The following IMMP2L variants were observed in gnomAD, a reference collection of about 807,000 sequenced individuals.
IMMP2L encodes mitochondrial inner membrane protease subunit 2.
Under a neutral mutation model 19.3 loss-of-function variants are expected in IMMP2L, and 18 were observed. The observed-to-expected ratio is 0.93, with a 90% CI of 0.64 to 1.38. The LOEUF (loss-of-function observed/expected upper bound fraction) is 1.38. Among genes scored for constraint, IMMP2L ranks in the 40% most tolerant of loss-of-function variants. IMMP2L has a pLI of 0.00. For synonymous variants in IMMP2L, 76 were observed against 73.0 expected (o/e 1.04, Z -0.21); for missense variants, 233 against 218.2 (o/e 1.07, Z -0.43).
At position 111,279,727 on chromosome 7, in the gene IMMP2L, G is replaced by A. The variant is rs138747287; in HGVS notation, c.239+207511C>T. On this transcript the variant is annotated intron_variant, in intron 3 of 5. Coordinates refer to ENST00000405709, the MANE Select transcript of IMMP2L (RefSeq NM_032549.4). ...TACTATATTATAACCTCTTTTGCTTGAAGAACAAAGTGGACCTTGGGGTGT... is the reference window on the plus strand; with the variant it reads ...TACTATATTATAACCTCTTTTGCTTAAAGAACAAAGTGGACCTTGGGGTGT... 1.1e-3 allele frequency among the ~76,000 whole-genome samples: 170 copies of A among 152,206 alleles called. 1 individual carries two copies. The highest frequency in any genetic ancestry group is 3.9e-3 in the African/African-American group (160 of 41,550).
chr7:111,024,934 T>A (rs2129567629), intron 3 of IMMP2L, among the ~76,000 whole-genome samples: 1 of 152,310 alleles, frequency 6.6e-6, no homozygotes, highest in East Asian at 1.9e-4. Flanking sequence ...AGAGGCTTAA[T>A]TAAGGGAGTA....
intron 3 of IMMP2L, among the ~76,000 whole-genome samples, chr7:111,405,186 T>C (rs926494985): frequency 1.3e-5 from 2 of 152,116 alleles, no homozygotes; most frequent in Admixed American, 1.3e-4. Context: ...TGTGCAATGG[T>C]GTACTTTTAT....
chr7:110,672,580 G>A (rs895385626), intron 5 of IMMP2L, among the ~76,000 whole-genome samples: 1 of 152,110 alleles, frequency 6.6e-6, no homozygotes, highest in Non-Finnish European at 1.5e-5. Flanking sequence ...CCGCCTATGA[G>A]CCTGTAAAAT....
At chr7:111,180,593 G>A (rs1418093902) in intron 3 of IMMP2L, among the ~76,000 whole-genome samples, 2 of 152,034 alleles carry the variant, frequency 1.3e-5, no homozygotes, top group Non-Finnish European at 2.9e-5. Flanking sequence ...AAAACATGAA[G>A]TGGGCACATG....
At chr7:111,266,763 A>AT (rs2130055591) in intron 3 of IMMP2L, among the ~76,000 whole-genome samples, 1 of 152,254 alleles carries the variant, frequency 6.6e-6, no homozygotes, top group Non-Finnish European at 1.5e-5. Context: ...AAATTGCCAC[A>AT]TTTTTGTCAT....
chr7:110,979,898 A>G (rs1485279038), intron 3 of IMMP2L, among the ~76,000 whole-genome samples: 2 of 152,106 alleles, frequency 1.3e-5, no homozygotes, highest in African/African-American at 4.8e-5. Context: ...GTTTAATTTT[A>G]CACTTTAAAA....
At chr7:110,863,413 T>G (rs1807652863) in intron 5 of IMMP2L, among the ~76,000 whole-genome samples, 1 of 152,120 alleles carries the variant, frequency 6.6e-6, no homozygotes, top group Admixed American at 6.5e-5. Context: ...ACATTTTTGC[T>G]TGGTCATGGC....
intron 4 of IMMP2L, among the ~76,000 whole-genome samples, chr7:110,908,617 A>G (rs1036345466): frequency 8.5e-5 from 13 of 152,246 alleles, no homozygotes; most frequent in Admixed American, 5.2e-4. Flanking sequence ...TACAAAAGAC[A>G]AAAGACAAAC....
At chr7:111,174,355 A>C (rs1402119225) in intron 3 of IMMP2L, among the ~76,000 whole-genome samples, 1 of 151,682 alleles carries the variant, frequency 6.6e-6, no homozygotes, top group Non-Finnish European at 1.5e-5. Flanking sequence ...GCGAGTGTCA[A>C]AACCTAGTCT....
At chr7:110,701,663 G>A (rs1584545494) in intron 5 of IMMP2L, among the ~76,000 whole-genome samples, 1 of 152,244 alleles carries the variant, frequency 6.6e-6, no homozygotes, top group East Asian at 1.9e-4. Flanking sequence ...GACCTCAGGT[G>A]ATCCGCCTGC....
chr7:111,025,725 T>G lies in IMMP2L; in HGVS notation c.240-62160A>C, dbSNP rs139556263. 1.0e-3 allele frequency among the ~76,000 whole-genome samples: 152 copies of G among 152,328 alleles called. 2 individuals are homozygous for G. In the East Asian group the frequency reaches 0.014, roughly 14 times the overall value. On this transcript the variant is annotated intron_variant, in intron 3 of 5. Transcript: ENST00000405709. ...CATCCAGCCCAGTGCTTAAGCCTAG[T>G]TGGGCATGATATTTATTGAAGAAAT...
At position 110,902,291 on chromosome 7, in the gene IMMP2L, A is replaced by G. The variant is rs145235326; in HGVS notation, c.306-15596T>C. ...ACAGCCTACTATTAATTATAGAAAA[A>G]ATAATAAGTGACAGTAAATTAGGTT... On this transcript the variant is annotated intron_variant, in intron 4 of 5. Transcript: ENST00000405709. 1.4e-3 allele frequency among the ~76,000 whole-genome samples: 206 copies of G among 151,896 alleles called. 1 individual carries two copies. Among genetic ancestry groups the G allele is most frequent in the African/African-American group, 4.9e-3 (202 of 41,476 alleles).
intron 3 of IMMP2L, among the ~76,000 whole-genome samples, chr7:111,040,692 TGATTTAAATA>T (rs1791810198): frequency 6.8e-6 from 1 of 147,818 alleles, no homozygotes; most frequent in African/African-American, 2.5e-5. Context: ...AGTAAGAATT[TGATTTAAATA>T]TATAAATCTA....
intron 5 of IMMP2L, among the ~76,000 whole-genome samples, chr7:110,668,963 G>A (rs1168334265): frequency 2.0e-5 from 3 of 148,086 alleles, no homozygotes; most frequent in African/African-American, 7.4e-5. Context: ...TATCCTTCAG[G>A]TACAGTTTTG....
intron 5 of IMMP2L, among the ~76,000 whole-genome samples, chr7:110,668,895 T>G (rs938454358): frequency 6.6e-6 from 1 of 151,918 alleles, no homozygotes; most frequent in African/African-American, 2.4e-5. Flanking sequence ...GCAAAGAGTA[T>G]AGTGAATATA....
chr7:111,214,808 T>G (rs920169977), intron 3 of IMMP2L, among the ~76,000 whole-genome samples: 7 of 148,044 alleles, frequency 4.7e-5, no homozygotes, highest in Admixed American at 1.3e-4. Flanking sequence ...GAGAGAGAGA[T>G]AGAGATTAAA....
intron 3 of IMMP2L, among the ~76,000 whole-genome samples, chr7:111,043,298 A>G (rs1792074753): frequency 6.6e-6 from 1 of 152,216 alleles, no homozygotes; most frequent in Non-Finnish European, 1.5e-5. Flanking sequence ...TAAAAGTGTT[A>G]ATACAGTATA....
chr7:111,018,776 T>TTG (rs972964050), intron 3 of IMMP2L, among the ~76,000 whole-genome samples: 1 of 143,890 alleles, frequency 6.9e-6, no homozygotes, highest in African/African-American at 2.6e-5. Flanking sequence ...CCACTGGAAA[T>TTG]TGTGTGTCTT....
intron 4 of IMMP2L, among the ~76,000 whole-genome samples, chr7:110,944,852 A>T (rs1371810584): frequency 6.6e-6 from 1 of 151,954 alleles, no homozygotes; most frequent in Non-Finnish European, 1.5e-5. Context: ...ATTCTAACTT[A>T]TGAATGTACT....
Sources: allele counts gnomAD v4.1 joint callset (sites outside exome capture counted in the v4.1 genomes callset), GRCh38; gene constraint gnomAD v4.1.1; transcripts MANE v1.5; gene names NCBI Gene and HGNC (gene_info 2026-07-23, HGNC 2026-07-21).